The following CRB2 variants were observed in gnomAD, a reference collection of about 807,000 sequenced individuals.
CRB2 encodes the protein protein crumbs homolog 2.
A neutral mutation model predicts 110.9 loss-of-function variants in CRB2; 85 were observed. That is an observed-to-expected ratio of 0.77 (90% CI 0.64 to 0.92). The LOEUF (loss-of-function observed/expected upper bound fraction) is 0.92, where lower values mean the gene tolerates loss of function less well. Among genes scored for constraint, CRB2 ranks in the 40% least tolerant of loss-of-function variants. The probability of loss-of-function intolerance (pLI) is 0.00; values close to 1 mark genes in which losing one functional copy is unlikely to be tolerated. For missense variants in CRB2, 1,843 were observed against 1,851.3 expected, an observed-to-expected ratio of 1.00 and a Z score of 0.08; for synonymous variants, 907 against 831.0, an observed-to-expected ratio of 1.09 and a Z score of -1.57.
At chr9:123,368,908 C>A (rs2041976271) in intron 6 of CRB2, 13 of 1,263,770 alleles carry the variant, frequency 1.0e-5, no homozygotes, top group Non-Finnish European at 1.3e-5. Flanking sequence ...GAGCCGGGGG[C>A]TCTGTGGACC....
Position 123,377,027 on chromosome 9 carries a change from G to A in CRB2, c.3823G>A (p.Val1275Ile). The change falls in exon 13 of 13, where the codon GTC becomes ATC. Residue 1275 changes from valine (V) to isoleucine (I), a missense_variant. Transcript: ENST00000373631. ...VAGARLEMDS[V>I]LKVPPEERLI ...TGGGGCCCGGCTGGAGATGGACAGT[G>A]TCCTCAAGGTGCCACCGGAGGAGAG... is the stretch of plus-strand genomic sequence containing the variant. 1.2e-6 allele frequency: 2 copies of A among 1,601,614 alleles called. 1 individual carries two copies. The highest frequency in any genetic ancestry group is 3.4e-5 in the Admixed American group (2 of 58,814).
At position 123,369,052 on chromosome 9, in the gene CRB2, G is replaced by A. The variant is rs112373850; in HGVS notation, c.1055-1056G>A. 235 of 851,886 alleles carry A rather than the reference G, an allele frequency of 2.8e-4. No individual in the cohort carries two copies. In the African/African-American group the frequency reaches 4.2e-3, roughly 15 times the overall value. 52.8% of individuals were successfully genotyped at this position (851,886 alleles called of 1,614,324 possible). On this transcript the variant is annotated intron_variant, in intron 6 of 12. Coordinates refer to ENST00000373631, the MANE Select transcript of CRB2 (RefSeq NM_173689.7). ...GATCGAGGCTGGGCTTCAAACCCTG[G>A]TGACTTCTCTGGGCCTGGGTTCCTC...
rs1200086458 is a variant in CRB2, at chr9:123,370,512, G to T, written c.1459G>T (p.Ala487Ser). The change falls in exon 7 of 13, where the codon GCA becomes TCA. Residue 487 changes from alanine to serine, a missense_variant. Ala to Ser is a moderately conservative substitution (Grantham distance 99). Coordinates refer to ENST00000373631, the MANE Select transcript of CRB2 (RefSeq NM_173689.7). ...TGACACCAAGGAAAGCTTGGAGCTG[G>T]CATTGGTGGCAGCCACACTTCAGGC... ...RNDTKESLEL[A>S]LVAATLQATL... 1 of 1,613,436 alleles carries T rather than the reference G, an allele frequency of 6.2e-7. No homozygotes were observed. Among genetic ancestry groups the T allele is most frequent in the Non-Finnish European group, 8.5e-7 (1 of 1,180,040 alleles).
At position 123,367,164 on chromosome 9, in the gene CRB2, GC is replaced by G. The variant is rs2041944790; in HGVS notation, c.755-3del. On this transcript the variant is annotated splice_region_variant and splice_polypyrimidine_tract_variant and intron_variant, in intron 4 of 12. Coordinates refer to ENST00000373631, the MANE Select transcript of CRB2 (RefSeq NM_173689.7). ...TGAGACCTGATGTCCGCGTGTGTGT[GC>G]CCCCAGGCTACAGCGGCGAGCTGTG... 15 of 1,575,418 alleles carry G rather than the reference GC, an allele frequency of 9.5e-6. No homozygotes were observed. Among genetic ancestry groups the G allele is most frequent in the Admixed American group, 1.9e-5 (1 of 52,758 alleles).
upstream of CRB2, chr9:123,356,100 G>A (rs2041793233): frequency 2.0e-6 from 1 of 488,792 alleles, no homozygotes; most frequent in Non-Finnish European, 3.6e-6. Flanking sequence ...AGCAGCCCAG[G>A]AGGCCTGGGT....
chr9:123,362,840 C>A, intron 1 of CRB2, 25 bp from the exon 2 acceptor site: 1 of 1,550,346 alleles, frequency 6.5e-7, no homozygotes. Flanking sequence ...GCCCACCCTG[C>A]CCAGCCAGTT....
chr9:123,372,085 T>C, intron 8 of CRB2, 92 bp from the exon 9 acceptor site: 2 of 1,241,268 alleles, frequency 1.6e-6, no homozygotes. Flanking sequence ...GTGTCTGTAG[T>C]AGGTGCTCAG....
chr9:123,366,294 G>T lies in CRB2; in HGVS notation c.682G>T (p.Ala228Ser). The T allele has an allele frequency of 6.6e-7, 1 of 1,520,932 alleles. No homozygotes were observed. The highest frequency in any genetic ancestry group is 8.7e-7 in the Non-Finnish European group (1 of 1,147,258). The allele number at this position is 1,520,932 out of a possible 1,614,324, so 94.2% of individuals were successfully genotyped here. Reference protein sequence around the residue: ...THCEREVLECASAPCEHNASC... With the variant: ...THCEREVLECSSAPCEHNASC... Reference sequence around the variant, plus strand: ...CTGCGAGCGGGAGGTGCTGGAGTGCGCATCGGCGCCCTGCGAGCACAACGC... The same window carrying T: ...CTGCGAGCGGGAGGTGCTGGAGTGCTCATCGGCGCCCTGCGAGCACAACGC... Residue 228 changes from alanine (A) to serine (S), a missense_variant, in exon 4 of 13, where the codon GCA (alanine) becomes TCA (serine). Coordinates refer to ENST00000373631, the MANE Select transcript of CRB2 (RefSeq NM_173689.7).
intron 5 of CRB2, 64 bp downstream of exon 5, chr9:123,367,421 ACC>A: frequency 5.0e-6 from 3 of 600,968 alleles, no homozygotes; most frequent in South Asian, 2.6e-5. Context: ...TCTTGTGCCC[ACC>A]CCCCCACCCC....
intron 8 of CRB2, 117 bp from the exon 9 acceptor site, chr9:123,372,060 T>G: frequency 9.9e-7 from 1 of 1,013,260 alleles, no homozygotes; most frequent in Non-Finnish European, 1.5e-6. Flanking sequence ...CTCCCCTCGT[T>G]TGTGAGGAGA....
downstream of CRB2, chr9:123,378,812 T>TTGC (rs372740745): frequency 1.2e-5 from 1 of 80,352 alleles, no homozygotes; most frequent in Non-Finnish European, 2.3e-5. Context: ...TTTGTTTTTT[T>TTGC]TTTTTTTTTT....
rs1433844218 is a variant in CRB2, at chr9:123,367,579, A to G, written c.947A>G (p.Asp316Gly). The G allele has an allele frequency of 1.3e-6, 2 of 1,554,982 alleles. No individual in the cohort carries two copies. The highest frequency in any genetic ancestry group is 8.7e-7 in the Non-Finnish European group (1 of 1,150,514). Residue 316 changes from aspartate (D) to glycine (G), a missense_variant, in exon 6 of 13, where the codon GAC becomes GGC. Coordinates refer to ENST00000373631, the MANE Select transcript of CRB2 (RefSeq NM_173689.7). The stretch of plus-strand genomic sequence containing the variant: ...ACAGCTGGGCCTCTTACAGGAGCCG[A>G]CTGCGGTGTGGAGGTGGACGAGTGT... ...CHCPPGFEGA[D>G]CGVEVDECAS...
At chr9:123,362,795 G>C in intron 1 of CRB2, 70 bp from the exon 2 acceptor site, 1 of 1,464,682 alleles carries the variant, frequency 6.8e-7, no homozygotes, top group Non-Finnish European at 9.2e-7. Flanking sequence ...GGGTGGGCCT[G>C]AGAGGGTGGG....
In CRB2 at chr9:123,367,683, G is replaced by A. The variant is rs199679542; in HGVS notation, c.1051G>A (p.Ala351Thr). The A allele has an allele frequency of 6.3e-5, 98 of 1,553,214 alleles. No homozygotes were observed. Among genetic ancestry groups the A allele is most frequent in the Middle Eastern group, 3.4e-4 (2 of 5,874 alleles). ...CCAGTGTCACTGCCCAGATGGCTAC[G>A]CAGGTGTCTGGGGTGGGGTGGGCCC... ...GFQCHCPDGY[A>T]GPTCEEDVDE... Residue 351 changes from alanine to threonine, a missense_variant, in exon 6 of 13, where the codon GCA (alanine) becomes ACA (threonine). Ala to Thr is a moderately conservative substitution (Grantham distance 58). Coordinates refer to ENST00000373631, the MANE Select transcript of CRB2 (RefSeq NM_173689.7).
chr9:123,358,399 G>A (rs1324377820), intron 1 of CRB2, among the ~76,000 whole-genome samples: 2 of 152,174 alleles, frequency 1.3e-5, no homozygotes, highest in Non-Finnish European at 2.9e-5. Context: ...CAGACAAAGG[G>A]GCAGTGAGTC....
At chr9:123,373,056 C>A in intron 9 of CRB2, 78 bp from the exon 10 acceptor site, 1 of 1,280,960 alleles carries the variant, frequency 7.8e-7, no homozygotes, top group Non-Finnish European at 1.0e-6. Flanking sequence ...CTGTCTGCCA[C>A]TCGCTGGGGG....
Position 123,371,178 on chromosome 9 carries a change from G to C in CRB2, c.2036G>C (p.Arg679Pro). The C allele has an allele frequency of 1.9e-6, 3 of 1,613,780 alleles. No homozygotes were observed. The highest frequency in any genetic ancestry group is 2.5e-6 in the Non-Finnish European group (3 of 1,180,034). ...NLTVSFLLRT[R>P]ESAGLLLQFA... is the part of the protein sequence containing the mutation. ...ACAGTGTCTTTCCTTCTCCGCACTC[G>C]GGAGTCCGCTGGCCTGTTGCTCCAG... The change falls in exon 8 of 13, where the codon CGG (arginine) becomes CCG (proline). Residue 679 changes from arginine to proline, a missense_variant. Physicochemically the swap from Arg to Pro is moderately radical, Grantham distance 103. Transcript: ENST00000373631.
At position 123,377,110 on chromosome 9, in the gene CRB2, T is replaced by C. The variant is rs778562197; in HGVS notation, c.*48T>C. ...GCACCTGGAGGTCCTGAATGGTTTC[T>C]ACCTGGAGACCCAAGGAAGCTGCTT... On this transcript the variant is annotated 3_prime_UTR_variant, in exon 13 of 13. Coordinates refer to ENST00000373631, the MANE Select transcript of CRB2 (RefSeq NM_173689.7). 26 of 1,448,722 alleles carry C rather than the reference T, an allele frequency of 1.8e-5. 1 individual carries two copies. Among genetic ancestry groups the C allele is most frequent in the Middle Eastern group, 3.6e-4 (2 of 5,480 alleles). 89.7% of individuals were successfully genotyped at this position (1,448,722 alleles called of 1,614,324 possible).
rs2041816964 is a variant in CRB2 at position 123,357,745 on chromosome 9, A to G, written c.94+1391A>G. Among the ~76,000 whole-genome samples the G allele has an allele frequency of 1.3e-5, 2 of 152,168 alleles. 1 individual carries two copies. Among genetic ancestry groups the G allele is most frequent in the African/African-American group, 4.8e-5 (2 of 41,424 alleles). On this transcript the variant is annotated intron_variant, in intron 1 of 12. Transcript: ENST00000373631. ...ATGCTCACACACCCACACTCCGCAC[A>G]CCTGTGTGGCATGCCCAAGGGCACA...
Sources: gnomAD v4.1 joint callset for allele counts (sites outside exome capture counted in the v4.1 genomes callset) on GRCh38, gnomAD v4.1.1 for gene constraint, MANE v1.5 for transcripts, NCBI Gene and HGNC (gene_info 2026-07-23, HGNC 2026-07-21) for gene names.